The following CCDC85A variants were observed in gnomAD, a reference collection of about 807,000 sequenced individuals.
CCDC85A encodes the protein coiled-coil domain-containing protein 85A.
In CCDC85A, 38 loss-of-function variants were observed where a neutral mutation model predicts 50.2. The ratio of observed to expected loss-of-function variants is 0.76; its 90% CI spans 0.58 to 0.99. The LOEUF (loss-of-function observed/expected upper bound fraction) is 0.99. Ranked by LOEUF, CCDC85A falls within the 50% of genes least tolerant of loss-of-function variation. The probability of loss-of-function intolerance (pLI) is 0.00; values close to 1 mark genes in which losing one functional copy is unlikely to be tolerated. For missense variants in CCDC85A, 820 were observed against 742.0 expected (o/e 1.11, Z -1.22); for synonymous variants, 366 against 301.4 (o/e 1.21, Z -2.22).
chr2:56,189,356 A>T (rs1676199123), intron 1 of CCDC85A, among the ~76,000 whole-genome samples: 1 of 135,284 alleles, frequency 7.4e-6, no homozygotes, highest in Non-Finnish European at 1.5e-5. Flanking sequence ...GTGTATCGTG[A>T]TCTTGGCTCA....
At chr2:56,383,720 C>T in intron 5 of CCDC85A, 1 of 985,076 alleles carries the variant, frequency 1.0e-6, no homozygotes, top group Non-Finnish European at 1.2e-6. Flanking sequence ...CTAAGACTAC[C>T]ACCTCAGGAC....
chr2:56,291,931 G>T (rs1163903882), intron 2 of CCDC85A, among the ~76,000 whole-genome samples: 1 of 152,028 alleles, frequency 6.6e-6, no homozygotes, highest in African/African-American at 2.4e-5. Flanking sequence ...GGTGAGAGAT[G>T]GCAAAGGCTA....
chr2:56,302,938 A>T (rs7598631), intron 2 of CCDC85A, among the ~76,000 whole-genome samples: 2,876 of 152,222 alleles, frequency 0.019, 105 homozygotes, highest in African/African-American at 0.066. Context: ...AGGGCATTTT[A>T]GCTGTGAAAA....
At chr2:56,217,218 T>A (rs1255504621) in intron 2 of CCDC85A, among the ~76,000 whole-genome samples, 1 of 151,968 alleles carries the variant, frequency 6.6e-6, no homozygotes, top group Admixed American at 6.6e-5. Flanking sequence ...ATGATCACAG[T>A]CCCTGTGATT....
chr2:56,208,995 C>G (rs1677072508), intron 2 of CCDC85A, among the ~76,000 whole-genome samples: 1 of 152,062 alleles, frequency 6.6e-6, no homozygotes, highest in African/African-American at 2.4e-5. Flanking sequence ...GGCCCAGGGT[C>G]TGGTCTAACT....
At chr2:56,305,575 A>G (rs1052852183) in intron 2 of CCDC85A, among the ~76,000 whole-genome samples, 26 of 152,340 alleles carry the variant, frequency 1.7e-4, no homozygotes, top group African/African-American at 1.9e-4. Context: ...GCCCATAGAT[A>G]ATAATGTTTT....
intron 2 of CCDC85A, among the ~76,000 whole-genome samples, chr2:56,204,690 G>A (rs1676889409): frequency 6.6e-6 from 1 of 152,208 alleles, no homozygotes; most frequent in Non-Finnish European, 1.5e-5. Context: ...CTGACATGGA[G>A]CAATGAGGAT....
At chr2:56,212,708 C>T (rs1677228247) in intron 2 of CCDC85A, among the ~76,000 whole-genome samples, 3 of 151,930 alleles carry the variant, frequency 2.0e-5, no homozygotes, top group Non-Finnish European at 2.9e-5. Flanking sequence ...TTTCTTAGTG[C>T]CCTCAGTGTG....
upstream of CCDC85A, chr2:56,183,908 C>G (rs1200718601): frequency 1.0e-6 from 1 of 985,304 alleles, no homozygotes; most frequent in Non-Finnish European, 1.2e-6. Context: ...GCAGCTGCGT[C>G]CAGCCCATGC....
At chr2:56,261,068 C>T (rs188027636) in intron 2 of CCDC85A, among the ~76,000 whole-genome samples, 9 of 152,172 alleles carry the variant, frequency 5.9e-5, no homozygotes, top group Admixed American at 2.6e-4. Flanking sequence ...ATCAGGACCC[C>T]TGGGTTTGCA....
intron 2 of CCDC85A, among the ~76,000 whole-genome samples, chr2:56,249,851 G>C (rs1349952040): frequency 1.3e-5 from 2 of 152,136 alleles, no homozygotes; most frequent in African/African-American, 4.8e-5. Context: ...CCCTTCCTCT[G>C]ATAAACTTTC....
rs1384519744 is a variant in CCDC85A at position 56,279,777 on chromosome 2, C to G, written c.1241-63102C>G. Among the ~76,000 whole-genome samples, 33 of 152,136 alleles carry G rather than the reference C, an allele frequency of 2.2e-4. 1 individual carries two copies. The highest frequency in any genetic ancestry group is 2.2e-3 in the Admixed American group (33 of 15,272). ...TAAAATGAAATAAAAAGAATGAAAT[C>G]TTTTTAATGACTGAGCAATATTCCA... On this transcript the variant is annotated intron_variant, in intron 2 of 5. Coordinates refer to ENST00000407595, the MANE Select transcript of CCDC85A (RefSeq NM_001080433.2).
rs147551364 is a variant in CCDC85A at position 56,277,157 on chromosome 2, T to C, written c.1241-65722T>C. Among the ~76,000 whole-genome samples the C allele has an allele frequency of 8.1e-3, 1,231 of 152,320 alleles. 13 individuals carry two copies. Among genetic ancestry groups the C allele is most frequent in the African/African-American group, 0.027 (1,141 of 41,576 alleles). ...CAGCTTAAATGAGGAAGCTGGATCCTGGGTACCAAGTTGCCAACTTCCTTG... is the reference window on the plus strand; with the variant it reads ...CAGCTTAAATGAGGAAGCTGGATCCCGGGTACCAAGTTGCCAACTTCCTTG... On this transcript the variant is annotated intron_variant, in intron 2 of 5. Transcript: ENST00000407595.
intron 3 of CCDC85A, among the ~76,000 whole-genome samples, chr2:56,343,178 T>A (rs1300241340): frequency 2.0e-5 from 3 of 152,158 alleles, no homozygotes; most frequent in African/African-American, 7.2e-5. Flanking sequence ...AATGAGAATG[T>A]GAAATAATTT....
intron 2 of CCDC85A, among the ~76,000 whole-genome samples, chr2:56,304,905 C>A (rs10192587): frequency 0.034 from 4,687 of 138,022 alleles, 247 homozygotes; most frequent in African/African-American, 0.13. Flanking sequence ...CTAAAAAAAA[C>A]AAAAAACAAA....
intron 2 of CCDC85A, among the ~76,000 whole-genome samples, chr2:56,302,141 A>G (rs894493886): frequency 6.6e-6 from 1 of 152,112 alleles, no homozygotes; most frequent in South Asian, 2.1e-4. Context: ...CTGTAATCCC[A>G]GCTAATCGGG....
At chr2:56,367,885 A>G (rs980662643) in intron 3 of CCDC85A, among the ~76,000 whole-genome samples, 1 of 152,134 alleles carries the variant, frequency 6.6e-6, no homozygotes, top group African/African-American at 2.4e-5. Context: ...TTCCAAGCCC[A>G]TAGAGTGACC....
intron 1 of CCDC85A, among the ~76,000 whole-genome samples, chr2:56,186,318 A>G (rs2103805517): frequency 6.6e-6 from 1 of 152,344 alleles, no homozygotes; most frequent in Non-Finnish European, 1.5e-5. Context: ...TTTGAATTCT[A>G]GAAACCTCAT....
At chr2:56,377,335 A>T (rs1302889518) in intron 5 of CCDC85A, among the ~76,000 whole-genome samples, 2 of 152,186 alleles carry the variant, frequency 1.3e-5, no homozygotes, top group African/African-American at 4.8e-5. Context: ...GGCACTAGCT[A>T]TCTGAAAAGC....
Sources: gnomAD v4.1 joint callset for allele counts (sites outside exome capture counted in the v4.1 genomes callset) on GRCh38, gnomAD v4.1.1 for gene constraint, MANE v1.5 for transcripts, NCBI Gene and HGNC (gene_info 2026-07-23, HGNC 2026-07-21) for gene names.